MRPL22: variants seen among roughly 807,000 people sequenced by gnomAD.
MRPL22 encodes the protein large ribosomal subunit protein uL22m.
In MRPL22, 27 loss-of-function variants were observed where a neutral mutation model predicts 32.4. That is an observed-to-expected ratio of 0.83 (90% CI 0.61 to 1.15). The LOEUF (loss-of-function observed/expected upper bound fraction) is 1.15, where lower values mean the gene tolerates loss of function less well. Among genes scored for constraint, MRPL22 ranks in the 50% most tolerant of loss-of-function variants. The pLI is 0.00. For synonymous variants in MRPL22, 86 were observed against 87.3 expected (o/e 0.99, Z 0.08); for missense variants, 239 against 260.2 (o/e 0.92, Z 0.56).
chr5:154,943,488 G>A (rs1582686467), intron 2 of MRPL22, among the ~76,000 whole-genome samples: 1 of 152,150 alleles, frequency 6.6e-6, no homozygotes, highest in South Asian at 2.1e-4. Flanking sequence ...GTGGTGGTCA[G>A]TAGAGTGTAT....
In MRPL22 at chr5:154,966,698, C is replaced by T. The variant is rs746307238; in HGVS notation, c.422C>T (p.Ser141Leu). ...TCTTCCTGTTTAGCTGAGTCCACCT[C>T]AGGACGAGGCCAGTGCCTGAAACGC... ...RSNLYIAESTSGRGQCLKRIR... is the reference protein window; with the variant it reads ...RSNLYIAESTLGRGQCLKRIR... The change falls in exon 7 of 7, where the codon TCA (serine) becomes TTA (leucine). Residue 141 changes from serine (S) to leucine (L), a missense_variant. Physicochemically the swap from Ser to Leu is moderately radical, Grantham distance 145. Transcript: ENST00000523037. 1.1e-5 allele frequency: 18 copies of T among 1,613,920 alleles called. No individual in the cohort carries two copies. The highest frequency in any genetic ancestry group is 4.5e-5 in the East Asian group (2 of 44,886).
At position 154,943,451 on chromosome 5, in the gene MRPL22, C is replaced by G. The variant is rs1211792630; in HGVS notation, c.77+2186C>G. Among the ~76,000 whole-genome samples the G allele has an allele frequency of 3.3e-5, 5 of 152,048 alleles. No homozygotes were observed. The East Asian group carries it at 9.7e-4, about 29-fold the overall frequency. Reference sequence around the variant, plus strand: ...AAATAAATAAACTAAGGGAAGTTGTCTATGTAAAATGAGAGTGGGAGGGCC... The same window carrying G: ...AAATAAATAAACTAAGGGAAGTTGTGTATGTAAAATGAGAGTGGGAGGGCC... On this transcript the variant is annotated intron_variant, in intron 2 of 6. Coordinates refer to ENST00000523037, the MANE Select transcript of MRPL22 (RefSeq NM_014180.4).
intron 6 of MRPL22, among the ~76,000 whole-genome samples, chr5:154,964,773 C>T (rs761868403): frequency 3.3e-5 from 5 of 152,138 alleles, no homozygotes; most frequent in South Asian, 2.1e-4. Flanking sequence ...CGACGTAGAC[C>T]GTGATGGGGT....
At chr5:154,944,433 C>T (rs1266827308) in intron 2 of MRPL22, among the ~76,000 whole-genome samples, 3 of 152,156 alleles carry the variant, frequency 2.0e-5, no homozygotes, top group African/African-American at 7.2e-5. Flanking sequence ...CTTAAGCTTT[C>T]CTCAGTTTCC....
At chr5:154,953,975 C>T (rs1029512762) in intron 3 of MRPL22, among the ~76,000 whole-genome samples, 8 of 148,654 alleles carry the variant, frequency 5.4e-5, no homozygotes, top group South Asian at 2.1e-4. Flanking sequence ...TGTGAGCCAC[C>T]GCACCTGGCC....
At chr5:154,949,056 C>T (rs1365800659) in intron 2 of MRPL22, among the ~76,000 whole-genome samples, 1 of 152,134 alleles carries the variant, frequency 6.6e-6, no homozygotes, top group Non-Finnish European at 1.5e-5. Context: ...TCTTTGATGG[C>T]TTCTTTGCTT....
At chr5:154,959,766 G>C in intron 5 of MRPL22, among the ~76,000 whole-genome samples, 1 of 152,160 alleles carries the variant, frequency 6.6e-6, no homozygotes, top group East Asian at 1.9e-4. Flanking sequence ...AAACTTAGTA[G>C]GATGGGCTGT....
intron 1 of MRPL22, 38 bp from the exon 2 acceptor site, chr5:154,941,179 G>C: frequency 1.2e-6 from 2 of 1,614,158 alleles, no homozygotes; most frequent in South Asian, 1.1e-5. Flanking sequence ...AGGGAGTCGA[G>C]ATGGAATCTG....
At chr5:154,948,272 T>C (rs1227316552) in intron 2 of MRPL22, among the ~76,000 whole-genome samples, 1 of 152,228 alleles carries the variant, frequency 6.6e-6, no homozygotes, top group African/African-American at 2.4e-5. Context: ...ATTTTACTAT[T>C]ATCTCATTAA....
intron 4 of MRPL22, chr5:154,956,874 C>T: frequency 2.4e-6 from 1 of 411,340 alleles, no homozygotes; most frequent in South Asian, 3.9e-5. Flanking sequence ...TGGTTGTTAC[C>T]AACCTGTGGT....
At chr5:154,966,066 T>A (rs1426070941) in intron 6 of MRPL22, among the ~76,000 whole-genome samples, 1 of 152,252 alleles carries the variant, frequency 6.6e-6, no homozygotes, top group Non-Finnish European at 1.5e-5. Context: ...ACTCCTTGCC[T>A]GAGCCTACAG....
At chr5:154,952,182 G>C (rs1764573056) in intron 3 of MRPL22, among the ~76,000 whole-genome samples, 1 of 152,028 alleles carries the variant, frequency 6.6e-6, no homozygotes, top group African/African-American at 2.4e-5. Context: ...TGCCCGGCCT[G>C]AAATCAGGTA....
intron 2 of MRPL22, among the ~76,000 whole-genome samples, chr5:154,944,605 A>T (rs1165824886): frequency 6.6e-6 from 1 of 152,202 alleles, no homozygotes; most frequent in Non-Finnish European, 1.5e-5. Flanking sequence ...ACAGACAATA[A>T]TCCCTTGCCA....
intron 2 of MRPL22, 138 bp downstream of exon 2, chr5:154,941,403 G>C: frequency 9.5e-7 from 1 of 1,054,172 alleles, no homozygotes; most frequent in Non-Finnish European, 1.4e-6. Flanking sequence ...CCGAGTCTCT[G>C]CTTTGTCACT....
Position 154,967,126 on chromosome 5 carries a change from CAG to C in MRPL22, c.*231_*232del, listed in dbSNP as rs1325419285. The C allele has an allele frequency of 2.4e-5, 13 of 533,788 alleles. No individual in the cohort carries two copies. Among genetic ancestry groups the C allele is most frequent in the Non-Finnish European group, 3.9e-5 (12 of 305,140 alleles). The allele number at this position is 533,788 out of a possible 1,614,324, so 33.1% of individuals were successfully genotyped here. A position where few individuals can be genotyped will look rare whatever the true frequency, so the allele number is the denominator to read the frequency against. ...GGGAAATCAGCTTTAAACATAGTAACAGACTATATTTCAAAAGGCTTTTGGAG... is the reference window on the plus strand; with the variant it reads ...GGGAAATCAGCTTTAAACATAGTAACACTATATTTCAAAAGGCTTTTGGAG... On this transcript the variant is annotated 3_prime_UTR_variant, in exon 7 of 7. Coordinates refer to ENST00000523037, the MANE Select transcript of MRPL22 (RefSeq NM_014180.4). The surrounding 1 kb of genome is among the most constrained non-coding windows in gnomAD (Gnocchi z 4.7).
chr5:154,953,641 C>G (rs955334412), intron 3 of MRPL22, among the ~76,000 whole-genome samples: 4 of 150,698 alleles, frequency 2.7e-5, no homozygotes, highest in Non-Finnish European at 5.9e-5. Context: ...GATAATAATA[C>G]CTTAATGTGA....
rs139860258 is a variant in MRPL22 at position 154,968,959 on chromosome 5, A to G, written c.*2062A>G. On this transcript the variant is annotated 3_prime_UTR_variant, in exon 7 of 7. Coordinates refer to ENST00000523037, the MANE Select transcript of MRPL22 (RefSeq NM_014180.4). ...TCTGGTACTATTTTAAGCACTATAT[A>G]TACATTATCTCAATGAATCTTTCCC... is the stretch of plus-strand genomic sequence containing the variant. 5.8e-4 allele frequency: 89 copies of G among 152,360 alleles called. No homozygotes were observed. The highest frequency in any genetic ancestry group is 1.9e-3 in the African/African-American group (80 of 41,592). 9.4% of individuals were successfully genotyped at this position (152,360 alleles called of 1,614,324 possible).
chr5:154,957,004 T>C, intron 4 of MRPL22, 131 bp from the exon 5 acceptor site: 2 of 780,202 alleles, frequency 2.6e-6, no homozygotes, highest in Non-Finnish European at 4.1e-6. Context: ...AAACTTGTTT[T>C]CTTCTCTTTT....
intron 3 of MRPL22, 83 bp from the exon 4 acceptor site, chr5:154,956,288 C>A (rs1582692326): frequency 1.1e-6 from 1 of 908,484 alleles, no homozygotes; most frequent in African/African-American, 1.7e-5. Flanking sequence ...AAAGTAAAAA[C>A]TTAAATAACA....
Sources: allele counts gnomAD v4.1 joint callset (sites outside exome capture counted in the v4.1 genomes callset), GRCh38; gene constraint gnomAD v4.1.1; non-coding constraint Gnocchi (gnomAD v3.1); transcripts MANE v1.5; gene names NCBI Gene and HGNC (gene_info 2026-07-23, HGNC 2026-07-21).